The following RNF216 variants were observed in gnomAD, a reference collection of about 807,000 sequenced individuals.
RNF216 encodes the protein ring finger protein 216, also known as E3 ubiquitin-protein ligase RNF216.
In RNF216, 72 loss-of-function variants were observed where a neutral mutation model predicts 110.8. That is an observed-to-expected ratio of 0.65 (90% CI 0.54 to 0.79). RNF216 has a LOEUF of 0.79. RNF216 is among the 30% of genes least tolerant of loss of function. RNF216 has a pLI of 0.00. For missense variants in RNF216, 1,342 were observed against 1,141.2 expected, an observed-to-expected ratio of 1.18 and a Z score of -2.54; for synonymous variants, 495 against 407.5, an observed-to-expected ratio of 1.21 and a Z score of -2.59.
chr7:5,767,977 G>C (rs892741359), intron 1 of RNF216, among the ~76,000 whole-genome samples: 3 of 152,048 alleles, frequency 2.0e-5, no homozygotes, highest in Non-Finnish European at 4.4e-5. Context: ...TAAGATCCTA[G>C]GAGAGCCAAA....
Position 5,708,622 on chromosome 7 carries a change from G to A in RNF216, c.2061+3139C>T, listed in dbSNP as rs541073873. Among the ~76,000 whole-genome samples the A allele has an allele frequency of 1.2e-4, 19 of 152,264 alleles. No individual in the cohort carries two copies. In the South Asian group the frequency reaches 1.7e-3, roughly 13 times the overall value. On this transcript the variant is annotated intron_variant, in intron 13 of 16. Transcript: ENST00000389902. ...TCCTGCAAGAAGATTTTGCTAAATC[G>A]TAGGCTAATATAAGTGCTCAGGCTT...
intron 15 of RNF216, among the ~76,000 whole-genome samples, chr7:5,630,393 T>TC (rs1488056522): frequency 6.6e-6 from 1 of 151,944 alleles, no homozygotes; most frequent in Non-Finnish European, 1.5e-5. Flanking sequence ...CCTTTTTTTT[T>TC]CCCTCTAGAC....
Position 5,748,400 on chromosome 7 carries a change from T to C in RNF216, c.201+4446A>G, listed in dbSNP as rs370668691. Among the ~76,000 whole-genome samples the C allele has an allele frequency of 3.6e-4, 55 of 152,258 alleles. No individual in the cohort carries two copies. The East Asian group carries it at 8.3e-3, about 23-fold the overall frequency. ...GCTAAATTCCAAGTAGCTGGGATTA[T>C]AGGTGCTCACCACCATGCCCAGCTA... On this transcript the variant is annotated intron_variant, in intron 3 of 16. Transcript: ENST00000389902.
At chr7:5,767,389 G>A (rs1453618672) in intron 1 of RNF216, among the ~76,000 whole-genome samples, 1 of 152,040 alleles carries the variant, frequency 6.6e-6, no homozygotes, top group African/African-American at 2.4e-5. Flanking sequence ...TCAGAGTTTG[G>A]GGCTGCCAAA....
At chr7:5,669,023 T>C (rs1789721724) in intron 13 of RNF216, among the ~76,000 whole-genome samples, 1 of 152,222 alleles carries the variant, frequency 6.6e-6, no homozygotes, top group African/African-American at 2.4e-5. Flanking sequence ...TTTTTAGTTC[T>C]GTGGACCTAA....
chr7:5,714,717 AGTTAT>A (rs1792931202), intron 11 of RNF216, among the ~76,000 whole-genome samples: 1 of 152,170 alleles, frequency 6.6e-6, no homozygotes, highest in Non-Finnish European at 1.5e-5. Flanking sequence ...GTGTAAAGTA[AGTTAT>A]GTTATTTTAA....
chr7:5,712,087 T>C (rs1156960738), intron 12 of RNF216, among the ~76,000 whole-genome samples: 1 of 152,198 alleles, frequency 6.6e-6, no homozygotes, highest in African/African-American at 2.4e-5. Context: ...CCAACCTTAA[T>C]GAGAACTCCT....
intron 13 of RNF216, among the ~76,000 whole-genome samples, chr7:5,659,271 TCA>T (rs1562798241): frequency 6.6e-6 from 1 of 152,210 alleles, no homozygotes; most frequent in Admixed American, 6.5e-5. Context: ...CAAGTTAGGC[TCA>T]GTTTCTATCT....
chr7:5,771,290 G>A (rs1028462043), intron 1 of RNF216, among the ~76,000 whole-genome samples: 21 of 152,086 alleles, frequency 1.4e-4, no homozygotes, highest in African/African-American at 4.8e-4. Flanking sequence ...TAAACAGAAA[G>A]GTAAAATAAG....
intron 8 of RNF216, among the ~76,000 whole-genome samples, chr7:5,722,205 T>A (rs1183888063): frequency 6.6e-6 from 1 of 152,192 alleles, no homozygotes; most frequent in Non-Finnish European, 1.5e-5. Flanking sequence ...ATTACAGGTG[T>A]GAGCCACAAC....
chr7:5,657,130 T>C (rs1387533954), intron 13 of RNF216, among the ~76,000 whole-genome samples: 1 of 152,266 alleles, frequency 6.6e-6, no homozygotes. Context: ...ACTGCTCCCT[T>C]ACTTTTAAAT....
chr7:5,644,767 A>G (rs961902528), intron 14 of RNF216, among the ~76,000 whole-genome samples: 5 of 151,882 alleles, frequency 3.3e-5, no homozygotes, highest in African/African-American at 1.2e-4. Context: ...TGGCCTCTCA[A>G]AGTGTTGGGA....
chr7:5,763,511 T>A (rs1796038114), intron 1 of RNF216, among the ~76,000 whole-genome samples: 4 of 152,024 alleles, frequency 2.6e-5, no homozygotes, highest in Admixed American at 2.6e-4. Context: ...GCACCTGTAA[T>A]CCCAGGTACT....
chr7:5,675,636 C>G (rs1790234105), intron 13 of RNF216, among the ~76,000 whole-genome samples: 1 of 150,396 alleles, frequency 6.6e-6, no homozygotes, highest in South Asian at 2.1e-4. Flanking sequence ...GCAAGACCCT[C>G]TCAAAACAAA....
At chr7:5,728,459 A>G (rs1217926454) in intron 7 of RNF216, among the ~76,000 whole-genome samples, 1 of 152,026 alleles carries the variant, frequency 6.6e-6, no homozygotes, top group East Asian at 1.9e-4. Context: ...CTACAGTCCC[A>G]GCTACTCAGG....
rs11319565 is a variant in RNF216 at position 5,671,805 on chromosome 7, C to CAAAAAAAAAAAAAAAAAAAAAAA, written c.2062-19318_2062-19296dup. Among the ~76,000 whole-genome samples, 29 of 54,220 alleles carry CAAAAAAAAAAAAAAAAAAAAAAA rather than the reference C, an allele frequency of 5.3e-4. 2 individuals are homozygous for CAAAAAAAAAAAAAAAAAAAAAAA. Among genetic ancestry groups the CAAAAAAAAAAAAAAAAAAAAAAA allele is most frequent in the Non-Finnish European group, 7.9e-4 (24 of 30,362 alleles). 35.6% of individuals were successfully genotyped at this position (54,220 alleles called of 152,430 possible). On this transcript the variant is annotated intron_variant, in intron 13 of 16. Transcript: ENST00000389902. The stretch of plus-strand genomic sequence containing the variant: ...GAGCAAAGAGACCAAAACTCCGTCT[C>CAAAAAAAAAAAAAAAAAAAAAAA]AAAAAAAAAAAAAAAAAAAAAAAAG...
chr7:5,718,415 G>C (rs1320980505), intron 9 of RNF216, among the ~76,000 whole-genome samples: 1 of 152,104 alleles, frequency 6.6e-6, no homozygotes, highest in Non-Finnish European at 1.5e-5. Flanking sequence ...GAAAGGGACA[G>C]CACAAAAGCT....
At chr7:5,629,123 A>G (rs904958426) in intron 15 of RNF216, among the ~76,000 whole-genome samples, 13 of 151,026 alleles carry the variant, frequency 8.6e-5, no homozygotes, top group African/African-American at 3.2e-4. Context: ...TTGAAGCTGC[A>G]GGTGGAGATT....
intron 1 of RNF216, among the ~76,000 whole-genome samples, chr7:5,773,312 A>T (rs2128682240): frequency 6.6e-6 from 1 of 150,552 alleles, no homozygotes; most frequent in South Asian, 2.1e-4. Context: ...GTGCAATCTC[A>T]GCTCACTGCA....
Sources: gnomAD v4.1 joint callset for allele counts (sites outside exome capture counted in the v4.1 genomes callset) on GRCh38, gnomAD v4.1.1 for gene constraint, MANE v1.5 for transcripts, NCBI Gene and HGNC (gene_info 2026-07-23, HGNC 2026-07-21) for gene names.